Variants in MIOS observed in about 807,000 individuals in gnomAD.
MIOS encodes GATOR2 complex protein MIOS.
In MIOS, 52 loss-of-function variants were observed where a neutral mutation model predicts 96.9. The observed-to-expected ratio is 0.54, with a 90% CI of 0.43 to 0.68. The LOEUF is 0.68. Among genes scored for constraint, MIOS ranks in the 30% least tolerant of loss-of-function variants. The pLI is 0.00. For synonymous variants in MIOS, 397 were observed against 359.5 expected (o/e 1.10, Z -1.18); for missense variants, 1,005 against 1,052.8 (o/e 0.95, Z 0.63).
intron 10 of MIOS, 98 bp from the exon 11 acceptor site, chr7:7,596,159 A>G: frequency 1.9e-6 from 2 of 1,043,884 alleles, no homozygotes; most frequent in Non-Finnish European, 2.7e-6. Context: ...AAAGTTTTTT[A>G]AAAGTATTTA....
chr7:7,594,715 A>G (rs1303917272), intron 9 of MIOS, among the ~76,000 whole-genome samples: 1 of 152,184 alleles, frequency 6.6e-6, no homozygotes, highest in Non-Finnish European at 1.5e-5. Flanking sequence ...TATTTTCTTA[A>G]ACTTAACTAA....
intron 11 of MIOS, 165 bp from the exon 12 acceptor site, chr7:7,605,777 G>A (rs936783833): frequency 5.4e-6 from 3 of 554,632 alleles, no homozygotes; most frequent in Middle Eastern, 1.0e-3. Context: ...GGGAGCTTCT[G>A]TCATTCAGTT....
intron 3 of MIOS, among the ~76,000 whole-genome samples, chr7:7,569,658 T>C (rs1783283972): frequency 2.6e-5 from 4 of 152,338 alleles, no homozygotes; most frequent in African/African-American, 9.6e-5. Context: ...CCTGCTCTCA[T>C]GGAGTGTATA....
intron 5 of MIOS, among the ~76,000 whole-genome samples, chr7:7,580,226 T>G (rs12533006): frequency 6.6e-6 from 1 of 152,032 alleles, no homozygotes; most frequent in Non-Finnish European, 1.5e-5. Flanking sequence ...AATAAGTGTT[T>G]TGTTAACTTT....
At chr7:7,597,468 T>TTATATATA (rs1160646084) in intron 11 of MIOS, among the ~76,000 whole-genome samples, 3 of 11,688 alleles carry the variant, frequency 2.6e-4, no homozygotes, top group Non-Finnish European at 4.6e-4. Flanking sequence ...CCTAGTAAAT[T>TTATATATA]TATATATATA....
At chr7:7,567,969 A>T (rs1783202291) in intron 2 of MIOS, 57 bp from the exon 3 acceptor site, 1 of 152,216 alleles carries the variant, frequency 6.6e-6, no homozygotes, top group South Asian at 2.1e-4. Flanking sequence ...TACTTTTTAA[A>T]TGTGGCTACT....
At chr7:7,591,526 C>T (rs115332992) in intron 9 of MIOS, among the ~76,000 whole-genome samples, 1,723 of 152,048 alleles carry the variant, frequency 0.011, 42 homozygotes, top group African/African-American at 0.04. Flanking sequence ...GTGATCTGCC[C>T]GCCCCGGCCT....
In MIOS at chr7:7,572,941, G is replaced by T. The variant is rs762807021; in HGVS notation, c.466G>T (p.Val156Phe). 1.1e-5 allele frequency: 17 copies of T among 1,613,984 alleles called. No homozygotes were observed. Among genetic ancestry groups the T allele is most frequent in the Non-Finnish European group, 1.3e-5 (15 of 1,180,004 alleles). The change falls in exon 4 of 13, where the codon GTT (valine) becomes TTT (phenylalanine). Residue 156 changes from valine (V) to phenylalanine (F), a missense_variant. Val to Phe is a conservative substitution (Grantham distance 50). Around this residue, in one of 3 missense-constraint regions of MIOS, gnomAD observed 865 missense variants for 887.9 expected, o/e 0.97. Coordinates refer to ENST00000340080, the MANE Select transcript of MIOS (RefSeq NM_019005.4). The surrounding 1 kb of genome is among the most constrained non-coding windows in gnomAD (Gnocchi z 4.8). ...DICSKYTPDI[V>F]PMEKVKLSAG... is the part of the protein sequence containing the mutation. ...CTGCAGCAAATATACTCCTGATATA[G>T]TTCCCATGGAAAAAGTGAAACTTTC...
At position 7,572,965 on chromosome 7, in the gene MIOS, T is replaced by A. The variant is rs200915888; in HGVS notation, c.490T>A (p.Ser164Thr). ...AGTTCCCATGGAAAAAGTGAAACTT[T>A]CAGCAGGTGAAACTGAAACAACATT... Reference protein sequence around the residue: ...DIVPMEKVKLSAGETETTLLV... With the variant: ...DIVPMEKVKLTAGETETTLLV... Residue 164 changes from serine to threonine, a missense_variant, in exon 4 of 13, where the codon TCA (serine) becomes ACA (threonine). By Grantham distance (58) the Ser-to-Thr change is moderately conservative. Around this residue, in one of 3 missense-constraint regions of MIOS, gnomAD observed 865 missense variants for 887.9 expected, o/e 0.97. Coordinates refer to ENST00000340080, the MANE Select transcript of MIOS (RefSeq NM_019005.4). This position sits in a 1 kb window ranked among gnomAD's most constrained non-coding sequence, Gnocchi z 4.8. The A allele has an allele frequency of 3.1e-6, 5 of 1,614,048 alleles. No individual in the cohort carries two copies. Among genetic ancestry groups the A allele is most frequent in the Non-Finnish European group, 4.2e-6 (5 of 1,180,010 alleles).
In MIOS at chr7:7,607,756, A is replaced by G. The variant is rs1001733567; in HGVS notation, c.*664A>G. On this transcript the variant is annotated 3_prime_UTR_variant, in exon 13 of 13. Transcript: ENST00000340080. Reference sequence around the variant, plus strand: ...GCATAACATTATCGTCTTCCTAGAAAAGCCAAGATGAAGAATCTATCTTAC... The same window carrying G: ...GCATAACATTATCGTCTTCCTAGAAGAGCCAAGATGAAGAATCTATCTTAC... 1.3e-5 allele frequency: 2 copies of G among 152,156 alleles called. No individual in the cohort carries two copies. The highest frequency in any genetic ancestry group is 2.9e-5 in the Non-Finnish European group (2 of 68,024). The allele number at this position is 152,156 out of a possible 1,614,324, so 9.4% of individuals were successfully genotyped here.
At chr7:7,587,363 A>T (rs1478452080) in intron 7 of MIOS, among the ~76,000 whole-genome samples, 5 of 152,126 alleles carry the variant, frequency 3.3e-5, no homozygotes, top group Admixed American at 1.3e-4. Flanking sequence ...GTTATTAGAT[A>T]ACAGTCATCT....
At chr7:7,593,549 A>C (rs1349111676) in intron 9 of MIOS, among the ~76,000 whole-genome samples, 1 of 152,078 alleles carries the variant, frequency 6.6e-6, no homozygotes, top group African/African-American at 2.4e-5. Context: ...TCCTTTCTCC[A>C]TTATGTAAAG....
chr7:7,602,940 G>A (rs960656843), intron 11 of MIOS, among the ~76,000 whole-genome samples: 3 of 152,056 alleles, frequency 2.0e-5, no homozygotes, highest in African/African-American at 4.8e-5. Context: ...TCTGATCTTT[G>A]ACAAACCTGA....
chr7:7,597,573 C>G lies in MIOS; in HGVS notation c.2401+1112C>G, dbSNP rs565416043. On this transcript the variant is annotated intron_variant, in intron 11 of 12. Transcript: ENST00000340080. ...TTTTAGTTTTGATTTAAATTTTAAT[C>G]AAGGATTTTTATTTTATACATTGCA... Among the ~76,000 whole-genome samples, 331 of 138,902 alleles carry G rather than the reference C, an allele frequency of 2.4e-3. 2 individuals are homozygous for G. Among genetic ancestry groups the G allele is most frequent in the African/African-American group, 8.5e-3 (317 of 37,290 alleles). 91.1% of individuals were successfully genotyped at this position (138,902 alleles called of 152,430 possible). A position where few individuals can be genotyped will look rare whatever the true frequency, so the allele number is the denominator to read the frequency against.
At chr7:7,594,448 C>G (rs1169465976) in intron 9 of MIOS, among the ~76,000 whole-genome samples, 1 of 152,148 alleles carries the variant, frequency 6.6e-6, no homozygotes, top group Non-Finnish European at 1.5e-5. Flanking sequence ...GCGCCTGCCA[C>G]CACACCTGGC....
At chr7:7,579,854 TACA>T (rs1274163888) in intron 5 of MIOS, among the ~76,000 whole-genome samples, 1 of 152,178 alleles carries the variant, frequency 6.6e-6, no homozygotes, top group Non-Finnish European at 1.5e-5. Context: ...GTGATGTTCA[TACA>T]ACAACGAAAT....
At chr7:7,581,375 T>TA (rs1173080819) in intron 5 of MIOS, among the ~76,000 whole-genome samples, 1 of 152,222 alleles carries the variant, frequency 6.6e-6, no homozygotes, top group Admixed American at 6.5e-5. Context: ...TTTCTTATTT[T>TA]TGCTTGTGTT....
intron 11 of MIOS, among the ~76,000 whole-genome samples, chr7:7,601,079 G>A (rs1583657956): frequency 6.6e-6 from 1 of 152,114 alleles, no homozygotes; most frequent in Non-Finnish European, 1.5e-5. Context: ...TGTTTAGAGG[G>A]AAATTTATAG....
chr7:7,568,164 C>A (rs568984345), intron 3 of MIOS, 41 bp downstream of exon 3: 2 of 152,166 alleles, frequency 1.3e-5, no homozygotes, highest in Non-Finnish European at 2.9e-5. Flanking sequence ...GCAGACCGCA[C>A]CCCTTCTACA....
Sources: allele counts gnomAD v4.1 joint callset (sites outside exome capture counted in the v4.1 genomes callset), GRCh38; gene constraint gnomAD v4.1.1; regional missense constraint gnomAD v4.1.1; non-coding constraint Gnocchi (gnomAD v3.1); transcripts MANE v1.5; gene names NCBI Gene and HGNC (gene_info 2026-07-23, HGNC 2026-07-21).